SRGAP1: variants seen among roughly 807,000 people sequenced by gnomAD.
SRGAP1 encodes SLIT-ROBO Rho GTPase-activating protein 1.
SRGAP1 carries 43 observed loss-of-function variants against 121.9 expected under a neutral mutation model. The observed-to-expected ratio is 0.35, with a 90% CI of 0.28 to 0.46. The LOEUF (loss-of-function observed/expected upper bound fraction) is 0.46, where lower values mean the gene tolerates loss of function less well. SRGAP1 is among the 20% of genes least tolerant of loss of function. The pLI is 1.00. For missense variants in SRGAP1, 1,102 were observed against 1,350.9 expected (o/e 0.82, Z 2.89); for synonymous variants, 447 against 485.4 (o/e 0.92, Z 1.04).
At chr12:63,915,678 T>TTC (rs2030738327) in intron 1 of SRGAP1, among the ~76,000 whole-genome samples, 1 of 152,128 alleles carries the variant, frequency 6.6e-6, no homozygotes, top group Non-Finnish European at 1.5e-5. Flanking sequence ...CCAGAGAAAT[T>TTC]CCTTATTGAT....
rs140602936 is a variant in SRGAP1 at position 63,862,734 on chromosome 12, G to T, written c.67+17851G>T. 2.3e-4 allele frequency among the ~76,000 whole-genome samples: 35 copies of T among 152,276 alleles called. No homozygotes were observed. The East Asian group carries it at 2.7e-3, about 12-fold the overall frequency. ...CATCTTGTTTTACATATGTAATGGC[G>T]CTGTGTATTTCTTTTGATGTCTTCT... On this transcript the variant is annotated intron_variant, in intron 1 of 21. Coordinates refer to ENST00000355086, the MANE Select transcript of SRGAP1 (RefSeq NM_020762.4).
intron 4 of SRGAP1, among the ~76,000 whole-genome samples, chr12:64,019,163 A>G (rs988469906): frequency 1.3e-5 from 2 of 152,196 alleles, no homozygotes; most frequent in Middle Eastern, 3.2e-3. Context: ...AATACAAGAA[A>G]AGTCAATAGA....
chr12:63,955,457 G>A (rs1183596135), intron 1 of SRGAP1, among the ~76,000 whole-genome samples: 1 of 152,010 alleles, frequency 6.6e-6, no homozygotes, highest in Non-Finnish European at 1.5e-5. Context: ...TCATTTTTTT[G>A]TGGTCCTTCT....
At chr12:63,874,082 AGAG>A (rs1899949133) in intron 1 of SRGAP1, among the ~76,000 whole-genome samples, 1 of 152,146 alleles carries the variant, frequency 6.6e-6, no homozygotes, top group East Asian at 1.9e-4. Flanking sequence ...GAAGGAAGGG[AGAG>A]ACAGAGAAAG....
intron 18 of SRGAP1, among the ~76,000 whole-genome samples, chr12:64,122,013 A>G (rs1308533636): frequency 6.6e-6 from 1 of 152,200 alleles, no homozygotes; most frequent in African/African-American, 2.4e-5. Flanking sequence ...AAGACAGGCT[A>G]TCACAGAACA....
chr12:64,119,099 G>A (rs1206453040), intron 18 of SRGAP1, among the ~76,000 whole-genome samples: 1 of 152,104 alleles, frequency 6.6e-6, no homozygotes, highest in African/African-American at 2.4e-5. Flanking sequence ...GATGAGGTAG[G>A]GATCCATTCC....
intron 2 of SRGAP1, among the ~76,000 whole-genome samples, chr12:63,989,421 A>G (rs1283616369): frequency 6.6e-6 from 1 of 152,212 alleles, no homozygotes; most frequent in African/African-American, 2.4e-5. Context: ...TCAGGGGATT[A>G]ATAAATAACC....
At chr12:63,923,073 C>T (rs1314625089) in intron 1 of SRGAP1, among the ~76,000 whole-genome samples, 1 of 152,226 alleles carries the variant, frequency 6.6e-6, no homozygotes, top group African/African-American at 2.4e-5. Context: ...ACCTTTCCTA[C>T]TCACCTACTT....
chr12:64,005,592 G>A (rs1428979390), intron 3 of SRGAP1, among the ~76,000 whole-genome samples: 1 of 152,086 alleles, frequency 6.6e-6, no homozygotes, highest in Non-Finnish European at 1.5e-5. Context: ...GCTGCAGTGA[G>A]CTATGATTGC....
intron 1 of SRGAP1, among the ~76,000 whole-genome samples, chr12:63,873,284 A>C (rs1242911119): frequency 6.6e-6 from 1 of 152,098 alleles, no homozygotes; most frequent in Non-Finnish European, 1.5e-5. Flanking sequence ...TAATCCCAGC[A>C]CTTTGGGAGG....
At chr12:64,043,095 T>C (rs1593071583) in intron 5 of SRGAP1, 123 bp downstream of exon 5, 1 of 717,296 alleles carries the variant, frequency 1.4e-6, no homozygotes, top group African/African-American at 1.8e-5. Flanking sequence ...TTTCCTCCCA[T>C]GGGAATGAGA....
chr12:63,998,848 G>A (rs2033792095), intron 3 of SRGAP1, among the ~76,000 whole-genome samples: 2 of 152,114 alleles, frequency 1.3e-5, no homozygotes, highest in African/African-American at 4.8e-5. Context: ...ACATGCTATA[G>A]TTTATTCATT....
chr12:64,124,140 CTT>C (rs2036650860), intron 18 of SRGAP1, among the ~76,000 whole-genome samples: 2 of 152,144 alleles, frequency 1.3e-5, no homozygotes, highest in African/African-American at 2.4e-5. Context: ...TGGCCAGGGC[CTT>C]TATATAATAA....
At chr12:63,921,543 T>A (rs2031044165) in intron 1 of SRGAP1, among the ~76,000 whole-genome samples, 1 of 152,194 alleles carries the variant, frequency 6.6e-6, no homozygotes, top group African/African-American at 2.4e-5. Context: ...CTAAGTAACA[T>A]CATCCTTTAG....
At chr12:63,948,346 C>G (rs2032118364) in intron 1 of SRGAP1, among the ~76,000 whole-genome samples, 1 of 152,150 alleles carries the variant, frequency 6.6e-6, no homozygotes, top group South Asian at 2.1e-4. Context: ...CTGAAGAACA[C>G]TCCTGGCCAT....
Position 64,127,604 on chromosome 12 carries a change from C to T in SRGAP1, c.2420C>T (p.Ser807Leu). The change falls in exon 20 of 22, where the codon TCA becomes TTA. Residue 807 changes from serine (S) to leucine (L), a missense_variant. Ser to Leu is a moderately radical substitution (Grantham distance 145). This residue lies in a region of SRGAP1 where 40 missense variants were observed against 78.4 expected (regional missense o/e 0.51). Coordinates refer to ENST00000355086, the MANE Select transcript of SRGAP1 (RefSeq NM_020762.4). ...IVVQDMDDTF[S>L]DTLSQKADSE... ...TACTGCTTCAGGGATGATACGTTTTCAGACACTCTGAGCCAAAAAGCCGAC... is the reference window on the plus strand; with the variant it reads ...TACTGCTTCAGGGATGATACGTTTTTAGACACTCTGAGCCAAAAAGCCGAC... The T allele has an allele frequency of 6.2e-7, 1 of 1,613,726 alleles. No homozygotes were observed. Among genetic ancestry groups the T allele is most frequent in the Non-Finnish European group, 8.5e-7 (1 of 1,179,876 alleles).
intron 8 of SRGAP1, among the ~76,000 whole-genome samples, 154 bp downstream of exon 8, chr12:64,065,373 G>A (rs994317576): frequency 6.6e-6 from 1 of 152,080 alleles, no homozygotes; most frequent in Non-Finnish European, 1.5e-5. Flanking sequence ...CTTTGTAGGG[G>A]ATAAATGCAA....
intron 4 of SRGAP1, chr12:64,032,669 G>C (rs2136489408): frequency 3.7e-6 from 1 of 270,534 alleles, no homozygotes; most frequent in East Asian, 5.7e-5. Flanking sequence ...AAACAAGTGA[G>C]ATGAGCTTTC....
chr12:63,864,496 T>C (rs967527836), intron 1 of SRGAP1, among the ~76,000 whole-genome samples: 1 of 152,194 alleles, frequency 6.6e-6, no homozygotes, highest in African/African-American at 2.4e-5. Flanking sequence ...TCAGCTACTT[T>C]CTGGCAGTTT....
Sources: allele counts gnomAD v4.1 joint callset (sites outside exome capture counted in the v4.1 genomes callset), GRCh38; gene constraint gnomAD v4.1.1; regional missense constraint gnomAD v4.1.1; transcripts MANE v1.5; gene names NCBI Gene and HGNC (gene_info 2026-07-23, HGNC 2026-07-21).